Variants in FHIT observed in about 807,000 individuals in gnomAD.
The protein encoded by FHIT is bis(5'-adenosyl)-triphosphatase.
Under a neutral mutation model 17.9 loss-of-function variants are expected in FHIT, and 19 were observed. The observed-to-expected ratio is 1.06, with a 90% CI of 0.74 to 1.56. The LOEUF is 1.56. Among genes scored for constraint, FHIT ranks in the 40% most tolerant of loss-of-function variants. The probability of loss-of-function intolerance (pLI) is 0.00; values close to 1 mark genes in which losing one functional copy is unlikely to be tolerated. For missense variants in FHIT, 248 were observed against 189.2 expected, an observed-to-expected ratio of 1.31 and a Z score of -1.82; for synonymous variants, 81 against 69.7, an observed-to-expected ratio of 1.16 and a Z score of -0.81.
chr3:59,927,111 T>C (rs147547068), intron 7 of FHIT, among the ~76,000 whole-genome samples: 3 of 152,054 alleles, frequency 2.0e-5, no homozygotes, highest in Non-Finnish European at 2.9e-5. Flanking sequence ...AAGTGCAGTA[T>C]ATGAAGACAA....
chr3:59,811,583 T>TAAAG (rs998850898), intron 8 of FHIT, among the ~76,000 whole-genome samples: 6 of 152,140 alleles, frequency 3.9e-5, no homozygotes, highest in African/African-American at 9.7e-5. Flanking sequence ...TTTTGTTTTT[T>TAAAG]AAAGAAAGAA....
chr3:60,822,874 C>A (rs1403289358), intron 3 of FHIT, among the ~76,000 whole-genome samples: 1 of 152,194 alleles, frequency 6.6e-6, no homozygotes, highest in African/African-American at 2.4e-5. Context: ...CCCTAACTGG[C>A]TGGTTCCTCA....
intron 5 of FHIT, among the ~76,000 whole-genome samples, chr3:60,247,185 A>C (rs187427179): frequency 1.1e-3 from 165 of 149,868 alleles, no homozygotes; most frequent in African/African-American, 3.9e-3. Context: ...CCTTCTGCTA[A>C]ATTTTGCTAT....
chr3:60,031,556 C>T (rs1701001952), intron 5 of FHIT, among the ~76,000 whole-genome samples: 1 of 152,190 alleles, frequency 6.6e-6, no homozygotes, highest in Admixed American at 6.5e-5. Context: ...TCAGTAACCT[C>T]ACCTGCAAAA....
chr3:60,390,347 A>C (rs1701170548), intron 5 of FHIT, among the ~76,000 whole-genome samples: 1 of 145,556 alleles, frequency 6.9e-6, no homozygotes, highest in South Asian at 2.2e-4. Flanking sequence ...ACATTTCAAT[A>C]ATGACAGATT....
chr3:59,794,132 A>G (rs1043501989), intron 8 of FHIT, among the ~76,000 whole-genome samples: 1 of 152,202 alleles, frequency 6.6e-6, no homozygotes, highest in Admixed American at 6.5e-5. Context: ...GCGGATAAAC[A>G]TCAGACATGG....
intron 4 of FHIT, among the ~76,000 whole-genome samples, chr3:60,639,036 T>C (rs1038286246): frequency 6.3e-5 from 9 of 143,804 alleles, no homozygotes; most frequent in African/African-American, 1.8e-4. Flanking sequence ...TTCAAAAGCA[T>C]CAGAGCACAA....
intron 2 of FHIT, among the ~76,000 whole-genome samples, chr3:61,157,688 T>C (rs1576121776): frequency 1.3e-5 from 2 of 152,228 alleles, no homozygotes; most frequent in Admixed American, 1.3e-4. Flanking sequence ...TGCCTTGTTC[T>C]GAGTATTGTT....
chr3:60,735,552 G>A (rs1220297487), intron 4 of FHIT, among the ~76,000 whole-genome samples: 1 of 152,188 alleles, frequency 6.6e-6, no homozygotes, highest in Non-Finnish European at 1.5e-5. Flanking sequence ...ATTCTGAGCT[G>A]GTAAGATAAA....
intron 3 of FHIT, among the ~76,000 whole-genome samples, chr3:60,992,866 T>C (rs772721502): frequency 7.9e-5 from 12 of 152,180 alleles, no homozygotes; most frequent in Non-Finnish European, 1.3e-4. Flanking sequence ...GTATGGAACA[T>C]GTATTTAGAA....
chr3:61,149,026 T>G (rs945946478), intron 2 of FHIT, among the ~76,000 whole-genome samples: 27 of 152,250 alleles, frequency 1.8e-4, no homozygotes, highest in African/African-American at 6.5e-4. Flanking sequence ...CTGTTAGTTT[T>G]AACAATTAAA....
intron 8 of FHIT, among the ~76,000 whole-genome samples, chr3:59,891,932 C>T (rs185858774): frequency 1.1e-4 from 17 of 152,054 alleles, no homozygotes; most frequent in East Asian, 1.9e-4. Flanking sequence ...TTTAAAGAGA[C>T]GTTAGAAAGC....
chr3:61,075,776 C>A (rs1036451755), intron 2 of FHIT, among the ~76,000 whole-genome samples: 7 of 151,990 alleles, frequency 4.6e-5, no homozygotes, highest in African/African-American at 1.7e-4. Flanking sequence ...TCGTTCACTG[C>A]CTTCTATGTG....
intron 7 of FHIT, among the ~76,000 whole-genome samples, chr3:59,998,242 A>C (rs1699593617): frequency 6.6e-6 from 1 of 152,186 alleles, no homozygotes; most frequent in South Asian, 2.1e-4. Flanking sequence ...ATGAAGGGCT[A>C]CAGTGGCTAA....
At chr3:59,900,615 T>G (rs1704282794) in intron 8 of FHIT, among the ~76,000 whole-genome samples, 2 of 151,140 alleles carry the variant, frequency 1.3e-5, no homozygotes, top group African/African-American at 4.9e-5. Context: ...TATGTTTGGT[T>G]GTTGTTTGTT....
At chr3:61,224,761 A>C (rs1353579934) in intron 1 of FHIT, among the ~76,000 whole-genome samples, 4 of 152,194 alleles carry the variant, frequency 2.6e-5, no homozygotes, top group Non-Finnish European at 5.9e-5. Flanking sequence ...CACTGAAAGG[A>C]TGACAGCATT....
At chr3:60,441,885 G>A (rs2030914469) in intron 5 of FHIT, among the ~76,000 whole-genome samples, 1 of 140,446 alleles carries the variant, frequency 7.1e-6, no homozygotes, top group Admixed American at 7.3e-5. Context: ...AAGAGACAAG[G>A]ACTCGCTCTG....
intron 5 of FHIT, among the ~76,000 whole-genome samples, chr3:60,234,851 T>C (rs925839398): frequency 5.3e-5 from 8 of 152,200 alleles, no homozygotes; most frequent in Non-Finnish European, 8.8e-5. Context: ...GATAGGACAC[T>C]GACTGGTAGA....
At chr3:60,419,501 T>G (rs1439292080) in intron 5 of FHIT, among the ~76,000 whole-genome samples, 1 of 152,174 alleles carries the variant, frequency 6.6e-6, no homozygotes, top group Non-Finnish European at 1.5e-5. Context: ...TGAAAGCTTT[T>G]CACTCTGTTA....
Sources: gnomAD v4.1 joint callset for allele counts (sites outside exome capture counted in the v4.1 genomes callset) on GRCh38, gnomAD v4.1.1 for gene constraint, MANE v1.5 for transcripts, NCBI Gene and HGNC (gene_info 2026-07-23, HGNC 2026-07-21) for gene names.